NRK: variants seen among roughly 807,000 people sequenced by gnomAD.
NRK encodes Nik related kinase, also known as nik-related protein kinase.
NRK carries 67 observed loss-of-function variants against 125.2 expected under a neutral mutation model. The observed-to-expected ratio is 0.54, with a 90% CI of 0.44 to 0.66. The LOEUF is 0.66. NRK is among the 30% of genes least tolerant of loss of function. The pLI, the probability that NRK is intolerant of heterozygous loss-of-function variation, is 0.00. For missense variants in NRK, 1,224 were observed against 1,192.9 expected (o/e 1.03, Z -0.38); for synonymous variants, 458 against 429.0 (o/e 1.07, Z -0.84).
At chrX:105,940,916 C>T (rs1326879077) in intron 23 of NRK, among the ~76,000 whole-genome samples, 1 of 111,819 alleles carries the variant, frequency 8.9e-6, no homozygotes, top group Non-Finnish European at 1.9e-5. Context: ...AAGTGACTTT[C>T]TCAGGGTAGG....
chrX:105,895,656 A>G, intron 7 of NRK, 133 bp downstream of exon 7: 1 of 454,863 alleles, frequency 2.2e-6, no homozygotes, highest in Non-Finnish European at 3.7e-6. Context: ...CTGCCTGCAA[A>G]ACCAGTCAAA....
chrX:105,887,620 A>G (rs752798822), intron 4 of NRK, among the ~76,000 whole-genome samples: 4 of 112,293 alleles, frequency 3.6e-5, no homozygotes, highest in Non-Finnish European at 5.6e-5. Context: ...ACATCCCTCA[A>G]TTGATGAATG....
chrX:105,932,025 T>C (rs760982931), intron 19 of NRK, among the ~76,000 whole-genome samples: 1 of 111,367 alleles, frequency 9.0e-6, no homozygotes, highest in African/African-American at 3.3e-5. Context: ...CTCTAACCCC[T>C]GATAACCTCT....
intron 8 of NRK, 138 bp downstream of exon 8, chrX:105,898,852 C>A: frequency 2.2e-6 from 1 of 449,034 alleles, no homozygotes; most frequent in Non-Finnish European, 3.5e-6. Flanking sequence ...AAATACAAGC[C>A]TCTATTTCGG....
intron 2 of NRK, among the ~76,000 whole-genome samples, chrX:105,858,456 A>G (rs1228227257): frequency 2.8e-5 from 3 of 108,968 alleles, no homozygotes; most frequent in Non-Finnish European, 5.7e-5. Flanking sequence ...GAATGGATAG[A>G]TAACCAAAAT....
chrX:105,842,266 G>T (rs1388848609), intron 2 of NRK, among the ~76,000 whole-genome samples: 2 of 111,117 alleles, frequency 1.8e-5, no homozygotes, highest in East Asian at 2.9e-4. Flanking sequence ...GAACGTAATA[G>T]ATTTCAGAAA....
At position 105,945,906 on chromosome X, in the gene NRK, A is replaced by G. The variant is rs1010577750; in HGVS notation, c.4094A>G (p.Asp1365Gly). 40 of 1,205,352 alleles carry G rather than the reference A, an allele frequency of 3.3e-5. No individual in the cohort carries two copies. The highest frequency in any genetic ancestry group is 1.3e-4 in the Admixed American group (6 of 45,623). ...CIDQSADSEG[D>G]YMSYQAYIRI... ...GATCAATCAGCAGACTCTGAAGGAG[A>G]CTACATGTCCTATCAAGCCTATATA... The change falls in exon 25 of 29, where the codon GAC (aspartate) becomes GGC (glycine). Residue 1365 changes from aspartate to glycine, a missense_variant. Coordinates refer to ENST00000243300, the MANE Select transcript of NRK (RefSeq NM_198465.4).
At chrX:105,950,904 A>G (rs1220287344) in intron 27 of NRK, among the ~76,000 whole-genome samples, 5 of 110,773 alleles carry the variant, frequency 4.5e-5, no homozygotes, top group Non-Finnish European at 7.6e-5. Context: ...ATGACTAAAT[A>G]TGATCCTCAT....
intron 2 of NRK, among the ~76,000 whole-genome samples, chrX:105,855,362 A>G (rs1230174002): frequency 8.9e-6 from 1 of 112,035 alleles, no homozygotes; most frequent in Non-Finnish European, 1.9e-5. Flanking sequence ...TTGTAATACA[A>G]TACATACTGT....
chrX:105,942,337 C>T (rs1414969015), intron 23 of NRK, among the ~76,000 whole-genome samples: 2 of 111,806 alleles, frequency 1.8e-5, no homozygotes, highest in African/African-American at 6.5e-5. Flanking sequence ...TGCACCGTTT[C>T]ACATTGCTAT....
intron 4 of NRK, among the ~76,000 whole-genome samples, chrX:105,885,573 T>C (rs2039933408): frequency 8.9e-6 from 1 of 112,357 alleles, no homozygotes. Context: ...CAAAGAGTTT[T>C]TTCTAGATTG....
At chrX:105,850,435 T>C (rs1371950811) in intron 2 of NRK, among the ~76,000 whole-genome samples, 2 of 112,319 alleles carry the variant, frequency 1.8e-5, no homozygotes, top group Non-Finnish European at 3.8e-5. Flanking sequence ...TGATTAGCAT[T>C]TGGCTCCTTG....
At chrX:105,920,260 T>C (rs751784238) in intron 16 of NRK, among the ~76,000 whole-genome samples, 10,071 of 106,158 alleles carry the variant, frequency 0.095, 1,597 homozygotes, top group African/African-American at 0.35. Context: ...TATATCTCTG[T>C]TTTGGTACCA....
In NRK at chrX:105,953,162, C is replaced by T. The variant is rs765122226; in HGVS notation, c.4642C>T (p.Arg1548Trp). 8.4e-6 allele frequency: 10 copies of T among 1,184,896 alleles called. No individual in the cohort carries two copies. The highest frequency in any genetic ancestry group is 2.4e-4 in the Middle Eastern group (1 of 4,252). ...TAAGAAGCTGAGATTCCTGTGCACC[C>T]GGGGTGACAAGGTATAGCTTACACC... The part of the protein sequence containing the change: ...SIKKLRFLCT[R>W]GDKLFFTSTL... Residue 1548 changes from arginine to tryptophan, a missense_variant, in exon 28 of 29, where the codon CGG (arginine) becomes TGG (tryptophan). Arg to Trp is a moderately radical substitution (Grantham distance 101). Coordinates refer to ENST00000243300, the MANE Select transcript of NRK (RefSeq NM_198465.4).
chrX:105,942,346 A>G (rs1455554016), intron 23 of NRK, among the ~76,000 whole-genome samples: 1 of 111,747 alleles, frequency 8.9e-6, no homozygotes, highest in Admixed American at 9.5e-5. Flanking sequence ...TCACATTGCT[A>G]TCTGTAAAGT....
chrX:105,887,999 A>G (rs1238753265), intron 4 of NRK, among the ~76,000 whole-genome samples: 3 of 112,556 alleles, frequency 2.7e-5, no homozygotes, highest in Non-Finnish European at 5.6e-5. Context: ...AAACAACAAT[A>G]TAATGACTCC....
Position 105,935,233 on chromosome X carries a change from AC to A in NRK, c.3566del (p.Pro1189HisfsTer12). 8.4e-7 allele frequency: 1 copy of A among 1,193,454 alleles called. No individual in the cohort carries two copies. The highest frequency in any genetic ancestry group is 1.1e-6 in the Non-Finnish European group (1 of 879,189). ...AAGCAACCCTCTGAAGTCAATGTTA[AC>A]CCACTCTATGTCTCTCCTGCATGTA... The part of the protein sequence containing the change: ...SPKQPSEVNV[N>X]PLYVSPACKK... On this transcript the variant is annotated frameshift_variant, in exon 21 of 29. Coordinates refer to ENST00000243300, the MANE Select transcript of NRK (RefSeq NM_198465.4). LOFTEE classifies it high-confidence loss of function.
intron 2 of NRK, among the ~76,000 whole-genome samples, chrX:105,877,520 T>C (rs1441699969): frequency 9.0e-6 from 1 of 111,600 alleles, no homozygotes; most frequent in African/African-American, 3.2e-5. Flanking sequence ...CCCCCTGTGC[T>C]ATCTTTGAAA....
At chrX:105,935,041 G>A in intron 20 of NRK, 129 bp from the exon 21 acceptor site, 5 of 473,397 alleles carry the variant, frequency 1.1e-5, no homozygotes, top group Non-Finnish European at 1.8e-5. Flanking sequence ...GGTGTACAGA[G>A]GAGTAATTTA....
Sources: gnomAD v4.1 joint callset for allele counts (sites outside exome capture counted in the v4.1 genomes callset) on GRCh38, gnomAD v4.1.1 for gene constraint, MANE v1.5 for transcripts, NCBI Gene and HGNC (gene_info 2026-07-23, HGNC 2026-07-21) for gene names.